FRAS1: variants seen among roughly 807,000 people sequenced by gnomAD.
FRAS1 encodes Fraser extracellular matrix complex subunit 1.
In FRAS1, 290 loss-of-function variants were observed where a neutral mutation model predicts 435.2. The ratio of observed to expected loss-of-function variants is 0.67; its 90% confidence interval spans 0.61 to 0.73. The LOEUF is 0.73. FRAS1 is among the 30% of genes least tolerant of loss of function. FRAS1 has a pLI of 0.00. For synonymous variants in FRAS1, 1,800 were observed against 1,851.0 expected, an observed-to-expected ratio of 0.97 and a Z score of 0.71; for missense variants, 4,860 against 5,001.5, an observed-to-expected ratio of 0.97 and a Z score of 0.85.
intron 39 of FRAS1, 38 bp downstream of exon 39, chr4:78,438,756 A>C (rs763752719): frequency 3.6e-5 from 56 of 1,544,740 alleles, no homozygotes; most frequent in Non-Finnish European, 4.8e-5. Flanking sequence ...AGATTCTTAA[A>C]AACTTGTATG....
At position 78,438,648 on chromosome 4, in the gene FRAS1, G is replaced by T; in HGVS notation, c.5296G>T (p.Gly1766Ter). The T allele has an allele frequency of 5.0e-6, 8 of 1,613,420 alleles. No individual in the cohort carries two copies. Among genetic ancestry groups the T allele is most frequent in the Non-Finnish European group, 6.8e-6 (8 of 1,179,526 alleles). Residue 1766 changes from glycine (G) to a stop codon, truncating the protein, a stop_gained, in exon 39 of 74, where the codon GGA (glycine) becomes TGA (stop). Coordinates refer to ENST00000512123, the MANE Select transcript of FRAS1 (RefSeq NM_025074.7). LOFTEE classifies it high-confidence loss of function. ...ATATGGTACTCTCTTAAGAATCTCAGGATCTGAGGTGGAAGAGCTCTCAGA... is the reference window on the plus strand; with the variant it reads ...ATATGGTACTCTCTTAAGAATCTCATGATCTGAGGTGGAAGAGCTCTCAGA... The part of the protein sequence containing the change: ...PSYGTLLRIS[G>*]SEVEELSEVS...
At chr4:78,193,156 G>A (rs964066222) in intron 2 of FRAS1, among the ~76,000 whole-genome samples, 2 of 152,166 alleles carry the variant, frequency 1.3e-5, no homozygotes, top group Admixed American at 1.3e-4. Context: ...TATCATTTCT[G>A]TTCTTTTACA....
At chr4:78,287,921 G>A (rs1015062688) in intron 14 of FRAS1, among the ~76,000 whole-genome samples, 1 of 152,178 alleles carries the variant, frequency 6.6e-6, no homozygotes, top group Non-Finnish European at 1.5e-5. Context: ...AATAGCTTCC[G>A]AGTTTGGCTT....
At chr4:78,181,978 GT>G in intron 2 of FRAS1, 1 of 1,584,690 alleles carries the variant, frequency 6.3e-7, no homozygotes, top group South Asian at 1.2e-5. Context: ...GGTCCGATTC[GT>G]CGTCAAATAA....
At chr4:78,213,094 A>G (rs1723587448) in intron 2 of FRAS1, among the ~76,000 whole-genome samples, 1 of 152,216 alleles carries the variant, frequency 6.6e-6, no homozygotes, top group African/African-American at 2.4e-5. Flanking sequence ...CCCTTCAGCC[A>G]AGAGCAATTC....
rs1244787756 is a variant in FRAS1, at chr4:78,133,960, TTTTTTG to T, written c.108+67950_108+67955del. ...GGAGCTGAGATGGACTAGGTTTTTT[TTTTTTG>T]TTTTTTTTTTTGAGATGGACTCTCG... is the stretch of plus-strand genomic sequence containing the variant. On this transcript the variant is annotated intron_variant, in intron 2 of 73. Coordinates refer to ENST00000512123, the MANE Select transcript of FRAS1 (RefSeq NM_025074.7). Among the ~76,000 whole-genome samples the T allele has an allele frequency of 2.5e-3, 355 of 141,362 alleles. 2 individuals are homozygous for T. Among genetic ancestry groups the T allele is most frequent in the Middle Eastern group, 0.014 (4 of 278 alleles). 92.7% of individuals were successfully genotyped at this position (141,362 alleles called of 152,430 possible).
intron 2 of FRAS1, among the ~76,000 whole-genome samples, chr4:78,222,521 A>G (rs370690169): frequency 6.6e-6 from 1 of 152,246 alleles, no homozygotes; most frequent in African/African-American, 2.4e-5. Context: ...TTGCATGTAT[A>G]TGCTGGCGAT....
At chr4:78,456,891 CA>C (rs1291682267) in intron 47 of FRAS1, among the ~76,000 whole-genome samples, 1 of 152,168 alleles carries the variant, frequency 6.6e-6, no homozygotes, top group Non-Finnish European at 1.5e-5. Flanking sequence ...CCCGGTAGAG[CA>C]TATTGAAATC....
chr4:78,247,465 A>C (rs2110126775), intron 4 of FRAS1, among the ~76,000 whole-genome samples: 1 of 152,228 alleles, frequency 6.6e-6, no homozygotes, highest in African/African-American at 2.4e-5. Context: ...GGCGAGACAA[A>C]ATCTTCTAAT....
At chr4:78,241,743 G>T (rs1447296788) in intron 3 of FRAS1, among the ~76,000 whole-genome samples, 1 of 152,168 alleles carries the variant, frequency 6.6e-6, no homozygotes, top group Non-Finnish European at 1.5e-5. Context: ...GGAGGCCCAG[G>T]TTCATTGGAG....
rs192352967 is a variant in FRAS1, at chr4:78,113,819, G to A, written c.108+47803G>A. ...TGGTAGTTTCTTTTGCTGTGCAGAAGTTCTTTAGTTCAATGAGATCCCATT... is the reference window on the plus strand; with the variant it reads ...TGGTAGTTTCTTTTGCTGTGCAGAAATTCTTTAGTTCAATGAGATCCCATT... On this transcript the variant is annotated intron_variant, in intron 2 of 73. Coordinates refer to ENST00000512123, the MANE Select transcript of FRAS1 (RefSeq NM_025074.7). Among the ~76,000 whole-genome samples, 48 of 152,314 alleles carry A rather than the reference G, an allele frequency of 3.2e-4. 2 individuals carry two copies. In the East Asian group the frequency reaches 4.8e-3, roughly 15 times the overall value.
At chr4:78,130,445 T>G (rs1276654146) in intron 2 of FRAS1, among the ~76,000 whole-genome samples, 1 of 152,206 alleles carries the variant, frequency 6.6e-6, no homozygotes, top group East Asian at 1.9e-4. Context: ...CTAGCAATAC[T>G]GATATTAATT....
intron 61 of FRAS1, among the ~76,000 whole-genome samples, chr4:78,506,053 C>G (rs1008946820): frequency 7.2e-5 from 11 of 152,228 alleles, no homozygotes; most frequent in African/African-American, 2.7e-4. Flanking sequence ...CTGGGTATCA[C>G]CAGCAGAGGC....
chr4:78,345,038 T>G (rs1175431667), intron 20 of FRAS1, among the ~76,000 whole-genome samples: 1 of 152,172 alleles, frequency 6.6e-6, no homozygotes. Context: ...TCATATTCCG[T>G]TGTGTTTGGG....
At position 78,333,391 on chromosome 4, in the gene FRAS1, C is replaced by A. The variant is rs373972101; in HGVS notation, c.2257C>A (p.His753Asn). ...CTCCCAGTGCCCAGATGGCTACTTT[C>A]ACCAGGAAGGTAGTTGCACAGGTGA... Reference protein sequence around the residue: ...CLSQCPDGYFHQEGSCTECHP... With the variant: ...CLSQCPDGYFNQEGSCTECHP... The change falls in exon 19 of 74, where the codon CAC (histidine) becomes AAC (asparagine). Residue 753 changes from histidine (H) to asparagine (N), a missense_variant. By Grantham distance (68) the His-to-Asn change is moderately conservative. Coordinates refer to ENST00000512123, the MANE Select transcript of FRAS1 (RefSeq NM_025074.7). 3 of 1,611,528 alleles carry A rather than the reference C, an allele frequency of 1.9e-6. No homozygotes were observed. The African/African-American group carries it at 4.0e-5, about 22-fold the overall frequency.
At chr4:78,423,359 G>T (rs1461435644) in intron 34 of FRAS1, among the ~76,000 whole-genome samples, 1 of 151,860 alleles carries the variant, frequency 6.6e-6, no homozygotes, top group African/African-American at 2.4e-5. Flanking sequence ...TAGAGACGGG[G>T]TTTCACCATA....
At chr4:78,099,711 G>A (rs1418673313) in intron 2 of FRAS1, among the ~76,000 whole-genome samples, 1 of 152,160 alleles carries the variant, frequency 6.6e-6, no homozygotes, top group East Asian at 1.9e-4. Context: ...AGGGAGTGTG[G>A]TTCCAGAGTA....
In FRAS1 at chr4:78,516,333, C is replaced by T. The variant is rs192793414; in HGVS notation, c.10389+320C>T. On this transcript the variant is annotated intron_variant, in intron 66 of 73. Transcript: ENST00000512123. The stretch of plus-strand genomic sequence containing the variant: ...TATTTTGGAAAGCCAAAAATATTTA[C>T]ATTTGATGCTAGGGTTATTACTACA... Among the ~76,000 whole-genome samples the T allele has an allele frequency of 3.5e-4, 53 of 152,312 alleles. No homozygotes were observed. In the East Asian group the frequency reaches 9.8e-3, roughly 28 times the overall value.
At chr4:78,441,331 A>G (rs1734650931) in intron 41 of FRAS1, 34 bp downstream of exon 41, 1 of 1,591,168 alleles carries the variant, frequency 6.3e-7, no homozygotes, top group Non-Finnish European at 8.6e-7. Context: ...AAGGACCTTG[A>G]GAGAAGGGAG....
Sources: gnomAD v4.1 joint callset for allele counts (sites outside exome capture counted in the v4.1 genomes callset) on GRCh38, gnomAD v4.1.1 for gene constraint, MANE v1.5 for transcripts, NCBI Gene and HGNC (gene_info 2026-07-23, HGNC 2026-07-21) for gene names.